The following CSMD1 variants were observed in gnomAD, a reference collection of about 807,000 sequenced individuals.
CSMD1 encodes CUB and sushi domain-containing protein 1.
CSMD1 carries 213 observed loss-of-function variants against 417.5 expected under a neutral mutation model. That is an observed-to-expected ratio of 0.51 (90% CI 0.46 to 0.57). The LOEUF (loss-of-function observed/expected upper bound fraction) is 0.57. Ranked by LOEUF, CSMD1 falls within the 20% of genes least tolerant of loss-of-function variation. The pLI, the probability that CSMD1 is intolerant of heterozygous loss-of-function variation, is 0.00. For synonymous variants in CSMD1, 2,862 were observed against 1,736.8 expected, an observed-to-expected ratio of 1.65 and a Z score of -16.11; for missense variants, 6,923 against 4,529.7, an observed-to-expected ratio of 1.53 and a Z score of -15.17.
At chr8:4,834,836 A>T (rs1190765805) in intron 1 of CSMD1, among the ~76,000 whole-genome samples, 1 of 150,842 alleles carries the variant, frequency 6.6e-6, no homozygotes, top group Non-Finnish European at 1.5e-5. Context: ...GGGCGCCTGT[A>T]ATCCCAGCTA....
chr8:3,108,483 A>G (rs1816291768), intron 44 of CSMD1, 120 bp downstream of exon 44: 2 of 1,001,244 alleles, frequency 2.0e-6, no homozygotes, highest in Non-Finnish European at 1.4e-6. Flanking sequence ...AGTGCAAAAG[A>G]ATCATACACG....
intron 3 of CSMD1, among the ~76,000 whole-genome samples, chr8:4,039,562 T>C (rs886458521): frequency 1.3e-5 from 2 of 151,998 alleles, no homozygotes; most frequent in East Asian, 1.9e-4. Flanking sequence ...TCCCAGGAGG[T>C]GGCAGTCATT....
chr8:4,165,781 A>C (rs1254115260), intron 3 of CSMD1, among the ~76,000 whole-genome samples: 1 of 152,152 alleles, frequency 6.6e-6, no homozygotes, highest in Non-Finnish European at 1.5e-5. Flanking sequence ...GTGTTAGCTC[A>C]CGTGTTGTCA....
At chr8:3,515,648 C>A (rs1275283101) in intron 10 of CSMD1, among the ~76,000 whole-genome samples, 1 of 152,150 alleles carries the variant, frequency 6.6e-6, no homozygotes, top group African/African-American at 2.4e-5. Context: ...GAAATGTGGC[C>A]AACTTGCAAC....
intron 1 of CSMD1, among the ~76,000 whole-genome samples, chr8:4,889,784 A>G (rs1159966670): frequency 6.6e-6 from 1 of 152,148 alleles, no homozygotes; most frequent in African/African-American, 2.4e-5. Context: ...GAACACTAAT[A>G]GTGAGGGCCT....
intron 54 of CSMD1, among the ~76,000 whole-genome samples, chr8:2,987,320 C>G (rs1806006559): frequency 6.7e-6 from 1 of 150,094 alleles, no homozygotes; most frequent in South Asian, 2.1e-4. Context: ...TAAAAGAGTC[C>G]ATAGGAATTA....
intron 26 of CSMD1, among the ~76,000 whole-genome samples, chr8:3,251,383 G>C (rs1408312084): frequency 2.0e-5 from 3 of 152,098 alleles, no homozygotes; most frequent in Non-Finnish European, 4.4e-5. Context: ...TAGATATGTG[G>C]CATTATTTCT....
At chr8:3,906,747 G>C (rs1322713018) in intron 5 of CSMD1, among the ~76,000 whole-genome samples, 1 of 151,614 alleles carries the variant, frequency 6.6e-6, no homozygotes, top group Admixed American at 6.6e-5. Flanking sequence ...CTTTGATACT[G>C]TAAATTCCTA....
At chr8:3,353,563 G>A (rs753197327) in intron 21 of CSMD1, among the ~76,000 whole-genome samples, 2 of 152,172 alleles carry the variant, frequency 1.3e-5, no homozygotes, top group Middle Eastern at 3.2e-3. Flanking sequence ...GCAGTATCCC[G>A]TAGGACGTAA....
intron 2 of CSMD1, among the ~76,000 whole-genome samples, chr8:4,490,773 A>G (rs950833631): frequency 1.5e-4 from 23 of 152,204 alleles, no homozygotes; most frequent in African/African-American, 5.3e-4. Flanking sequence ...TAGCTCCACT[A>G]GGTCGGGCAT....
chr8:4,078,463 A>T (rs1047182562), intron 3 of CSMD1, among the ~76,000 whole-genome samples: 11 of 151,554 alleles, frequency 7.3e-5, no homozygotes, highest in Admixed American at 7.2e-4. Flanking sequence ...TACAGGTGCC[A>T]CCATGTTAGC....
At position 3,300,982 on chromosome 8, in the gene CSMD1, GAGAA is replaced by G. The variant is rs1389634666; in HGVS notation, c.3950+6709_3950+6712del. Among the ~76,000 whole-genome samples the G allele has an allele frequency of 1.6e-3, 163 of 102,436 alleles. 2 individuals are homozygous for G. The highest frequency in any genetic ancestry group is 8.0e-3 in the East Asian group (27 of 3,358). 67.2% of individuals were successfully genotyped at this position (102,436 alleles called of 152,430 possible). A position where few individuals can be genotyped will look rare whatever the true frequency, so the allele number is the denominator to read the frequency against. On this transcript the variant is annotated intron_variant, in intron 25 of 69. Transcript: ENST00000635120. Reference sequence around the variant, plus strand: ...TCAAAAAAAAAAAAAAAAAAAAAAAGAGAAAGAAAAATTAGAAATGGTATAAACA... The same window carrying G: ...TCAAAAAAAAAAAAAAAAAAAAAAAGAGAAAAATTAGAAATGGTATAAACA...
At chr8:4,751,125 C>T (rs184282746) in intron 1 of CSMD1, among the ~76,000 whole-genome samples, 137 of 152,334 alleles carry the variant, frequency 9.0e-4, no homozygotes, top group Non-Finnish European at 1.5e-3. Context: ...TGGCTCAGGC[C>T]TGTAATCCCA....
intron 9 of CSMD1, among the ~76,000 whole-genome samples, chr8:3,581,456 T>C (rs79014220): frequency 0.038 from 5,722 of 152,294 alleles, 366 homozygotes; most frequent in African/African-American, 0.13. Flanking sequence ...TTAGCTAATG[T>C]AAGCATTGGC....
chr8:4,228,854 G>C (rs146193541), intron 3 of CSMD1, among the ~76,000 whole-genome samples: 1 of 151,844 alleles, frequency 6.6e-6, no homozygotes, highest in African/African-American at 2.4e-5. Context: ...GCTAATTTTT[G>C]TATTTTTAGT....
chr8:2,947,368 A>G (rs1341492094), intron 68 of CSMD1, among the ~76,000 whole-genome samples: 1 of 152,214 alleles, frequency 6.6e-6, no homozygotes, highest in Admixed American at 6.5e-5. Context: ...GATGCTTGCC[A>G]TCATTCTTAA....
chr8:3,908,678 G>A (rs1808267195), intron 5 of CSMD1, among the ~76,000 whole-genome samples: 2 of 149,954 alleles, frequency 1.3e-5, no homozygotes, highest in South Asian at 4.2e-4. Context: ...CCAATAACAT[G>A]AAACAACTCT....
chr8:4,695,299 C>G (rs1272821686), intron 1 of CSMD1, among the ~76,000 whole-genome samples: 1 of 152,184 alleles, frequency 6.6e-6, no homozygotes, highest in Non-Finnish European at 1.5e-5. Context: ...CCTTTATAGT[C>G]TGCACTCCTG....
chr8:4,247,693 T>A (rs557810663), intron 3 of CSMD1, among the ~76,000 whole-genome samples: 1 of 152,282 alleles, frequency 6.6e-6, no homozygotes, highest in African/African-American at 2.4e-5. Flanking sequence ...AGCTTCTGCA[T>A]TTTTATTTTG....
Sources: allele counts gnomAD v4.1 joint callset (sites outside exome capture counted in the v4.1 genomes callset), GRCh38; gene constraint gnomAD v4.1.1; transcripts MANE v1.5; gene names NCBI Gene and HGNC (gene_info 2026-07-23, HGNC 2026-07-21).